Variants in SWT1 observed in about 807,000 individuals in gnomAD.
The protein encoded by SWT1 is SWT1 RNA endoribonuclease homolog, also known as transcriptional protein SWT1.
A neutral mutation model predicts 107.3 loss-of-function variants in SWT1; 33 were observed. The observed-to-expected ratio is 0.31, with a 90% confidence interval of 0.23 to 0.41. SWT1 has a LOEUF of 0.41. SWT1 is among the 10% of genes least tolerant of loss of function. The probability of loss-of-function intolerance (pLI) is 1.00; values close to 1 mark genes in which losing one functional copy is unlikely to be tolerated. For synonymous variants in SWT1, 345 were observed against 348.3 expected (o/e 0.99, Z 0.11); for missense variants, 898 against 1,028.9 (o/e 0.87, Z 1.74).
In SWT1 at chr1:185,257,705, G is replaced by C. The variant is rs144531646; in HGVS notation, c.2442-13618G>C. On this transcript the variant is annotated intron_variant, in intron 16 of 18. Transcript: ENST00000367500. ...TGGCACTCCCTAGTGAGATGAACCT[G>C]GTATCTCAGATGGAAATGCAGAAAT... Among the ~76,000 whole-genome samples, 840 of 152,310 alleles carry C rather than the reference G, an allele frequency of 5.5e-3. 35 individuals are homozygous for C. The East Asian group carries it at 0.093, about 17-fold the overall frequency.
intron 10 of SWT1, among the ~76,000 whole-genome samples, chr1:185,198,119 G>C (rs1285225503): frequency 6.6e-6 from 1 of 152,152 alleles, no homozygotes; most frequent in Non-Finnish European, 1.5e-5. Context: ...CTGTGTCCCA[G>C]AGATTCTGTA....
At chr1:185,218,858 T>C (rs1466829167) in intron 14 of SWT1, among the ~76,000 whole-genome samples, 1 of 152,194 alleles carries the variant, frequency 6.6e-6, no homozygotes, top group Non-Finnish European at 1.5e-5. Flanking sequence ...AGTGTAATAA[T>C]AATGCTGGCC....
Position 185,222,034 on chromosome 1 carries a change from C to G in SWT1, c.2307C>G (p.Asn769Lys). 6.6e-7 allele frequency: 1 copy of G among 1,514,730 alleles called. No individual in the cohort carries two copies. 93.8% of individuals were successfully genotyped at this position (1,514,730 alleles called of 1,614,324 possible). A position where few individuals can be genotyped will look rare whatever the true frequency, so the allele number is the denominator to read the frequency against. ...LESVWITIYQNSTDVFQRLGS... is the reference protein window; with the variant it reads ...LESVWITIYQKSTDVFQRLGS... ...GTGTTTGGATTACAATATATCAGAACAGGTACTAAATTTGGGGGAATTTTT... is the reference window on the plus strand; with the variant it reads ...GTGTTTGGATTACAATATATCAGAAGAGGTACTAAATTTGGGGGAATTTTT... The change falls in exon 15 of 19, where the codon AAC (asparagine) becomes AAG (lysine). Residue 769 changes from asparagine (N) to lysine (K), a missense_variant and splice_region_variant. Around this residue, in one of 6 missense-constraint regions of SWT1, gnomAD observed 382 missense variants for 460.0 expected, o/e 0.83. Transcript: ENST00000367500.
intron 5 of SWT1, among the ~76,000 whole-genome samples, chr1:185,177,491 G>A (rs1001862197): frequency 6.6e-6 from 1 of 152,144 alleles, no homozygotes; most frequent in African/African-American, 2.4e-5. Context: ...TCAGATAGCA[G>A]CATTATCAGG....
At chr1:185,201,989 G>A (rs1657922288) in intron 10 of SWT1, among the ~76,000 whole-genome samples, 2 of 151,970 alleles carry the variant, frequency 1.3e-5, no homozygotes, top group African/African-American at 4.8e-5. Flanking sequence ...TTCGTAGTAG[G>A]GTTAGTGTGA....
At chr1:185,170,758 T>C (rs1283591838) in intron 4 of SWT1, among the ~76,000 whole-genome samples, 1 of 152,220 alleles carries the variant, frequency 6.6e-6, no homozygotes, top group African/African-American at 2.4e-5. Flanking sequence ...TGATGGACTA[T>C]GCAGCAGTGC....
intron 13 of SWT1, among the ~76,000 whole-genome samples, chr1:185,207,265 A>G (rs1401447775): frequency 6.6e-6 from 1 of 152,232 alleles, no homozygotes; most frequent in Non-Finnish European, 1.5e-5. Context: ...TAGAACTGGA[A>G]GAGACCACAG....
chr1:185,229,968 T>C (rs548304965), intron 15 of SWT1, among the ~76,000 whole-genome samples: 90 of 152,230 alleles, frequency 5.9e-4, no homozygotes, highest in African/African-American at 2.1e-3. Context: ...ATGGATTCAG[T>C]TTCCTTTTTG....
chr1:185,262,932 C>T (rs545053346), intron 16 of SWT1, among the ~76,000 whole-genome samples: 1 of 151,998 alleles, frequency 6.6e-6, no homozygotes, highest in East Asian at 1.9e-4. Flanking sequence ...GGAATACAGG[C>T]GTGTGCCGTC....
Position 185,231,674 on chromosome 1 carries a change from G to A in SWT1, c.2407G>A (p.Ala803Thr). Residue 803 changes from alanine to threonine, a missense_variant, in exon 16 of 19, where the codon GCA (alanine) becomes ACA (threonine). Coordinates refer to ENST00000367500, the MANE Select transcript of SWT1 (RefSeq NM_017673.7). ...ATTTATATGTCTTCAAAAGTTAATG[G>A]CAGCTGTGAGGGATATTCTTGAAGG... ...EAFICLQKLM[A>T]AVRDILEGIQ... 6.2e-7 allele frequency: 1 copy of A among 1,607,456 alleles called. No individual in the cohort carries two copies. The highest frequency in any genetic ancestry group is 8.5e-7 in the Non-Finnish European group (1 of 1,174,648).
At chr1:185,272,661 A>G (rs66569828) in intron 17 of SWT1, among the ~76,000 whole-genome samples, 21,224 of 152,126 alleles carry the variant, frequency 0.14, 1,544 homozygotes, top group Admixed American at 0.17. Context: ...TGAGAGTAAC[A>G]ATAGTAGGTA....
chr1:185,197,483 G>A (rs1295345606), intron 10 of SWT1, among the ~76,000 whole-genome samples: 1 of 151,930 alleles, frequency 6.6e-6, no homozygotes, highest in Non-Finnish European at 1.5e-5. Context: ...TCATGCGTTA[G>A]GGAGGAGTCC....
chr1:185,236,537 T>A (rs964564665), intron 16 of SWT1, among the ~76,000 whole-genome samples: 3 of 152,158 alleles, frequency 2.0e-5, no homozygotes, highest in South Asian at 2.1e-4. Context: ...TGAAACTGGA[T>A]TCCTTCCTTA....
rs977224004 is a variant in SWT1 at position 185,184,882 on chromosome 1, A to G, written c.1380A>G (p.Gln460=). 4 of 1,545,784 alleles carry G rather than the reference A, an allele frequency of 2.6e-6. No homozygotes were observed. The highest frequency in any genetic ancestry group is 3.5e-6 in the Non-Finnish European group (4 of 1,150,976). The change falls in exon 9 of 19, where the codon CAA becomes CAG. Residue 460 remains glutamine (Q), a synonymous_variant. Coordinates refer to ENST00000367500, the MANE Select transcript of SWT1 (RefSeq NM_017673.7). ...TCATCAACGACAGTCTCAAAAATCA[A>G]GATAGAAAGCTATGGGGTCAGTCAA... is the stretch of plus-strand genomic sequence containing the variant. ...VHFINDSLKN[Q]DRKLWGQSIQ...
At chr1:185,257,490 G>A (rs575047435) in intron 16 of SWT1, among the ~76,000 whole-genome samples, 13 of 151,744 alleles carry the variant, frequency 8.6e-5, no homozygotes, top group South Asian at 4.2e-4. Context: ...GTGGTGCGCC[G>A]TTTTTTAAGC....
rs572687505 is a variant in SWT1 at position 185,222,114 on chromosome 1, T to TTGATG, written c.2309+81_2309+85dup. 3.0e-4 allele frequency: 302 copies of TTGATG among 1,003,318 alleles called. 1 individual carries two copies. The African/African-American group carries it at 4.5e-3, about 15-fold the overall frequency. The allele number at this position is 1,003,318 out of a possible 1,614,324, so 62.2% of individuals were successfully genotyped here. ...ATTGTACATATTTACAGGGTACAAT[T>TTGATG]TGATGTGCAATTTGACGTTTCAATA... On this transcript the variant is annotated intron_variant, in intron 15 of 18. Coordinates refer to ENST00000367500, the MANE Select transcript of SWT1 (RefSeq NM_017673.7).
chr1:185,262,815 T>C (rs1451224985), intron 16 of SWT1, among the ~76,000 whole-genome samples: 2 of 150,118 alleles, frequency 1.3e-5, no homozygotes, highest in Non-Finnish European at 3.0e-5. Context: ...AGAGAGGGTC[T>C]CACTCCCTGT....
chr1:185,183,889 T>G (rs1054477687), intron 7 of SWT1, among the ~76,000 whole-genome samples: 2 of 152,202 alleles, frequency 1.3e-5, no homozygotes, highest in Non-Finnish European at 2.9e-5. Context: ...CATGGCTGGT[T>G]TTTCACAGTC....
intron 9 of SWT1, among the ~76,000 whole-genome samples, chr1:185,187,730 G>C (rs1179666416): frequency 2.6e-5 from 4 of 152,030 alleles, no homozygotes; most frequent in Non-Finnish European, 5.9e-5. Flanking sequence ...TGTTGCCCAG[G>C]CTGGAGTGCA....
Sources: allele counts gnomAD v4.1 joint callset (sites outside exome capture counted in the v4.1 genomes callset), GRCh38; gene constraint gnomAD v4.1.1; regional missense constraint gnomAD v4.1.1; transcripts MANE v1.5; gene names NCBI Gene and HGNC (gene_info 2026-07-23, HGNC 2026-07-21).